Variants in FBXW7 observed in about 807,000 individuals in gnomAD.
The protein encoded by FBXW7 is F-box and WD repeat domain containing 7.
A neutral mutation model predicts 86.3 loss-of-function variants in FBXW7; 11 were observed. That is an observed-to-expected ratio of 0.13 (90% CI 0.08 to 0.21). FBXW7 has a LOEUF of 0.21. Ranked by LOEUF, FBXW7 falls within the 10% of genes least tolerant of loss-of-function variation. The pLI, the probability that FBXW7 is intolerant of heterozygous loss-of-function variation, is 1.00. For synonymous variants in FBXW7, 313 were observed against 297.9 expected (o/e 1.05, Z -0.52); for missense variants, 488 against 847.4 (o/e 0.58, Z 5.27).
chr4:152,379,367 G>A (rs994978243), intron 4 of FBXW7, among the ~76,000 whole-genome samples: 1 of 151,874 alleles, frequency 6.6e-6, no homozygotes, highest in Non-Finnish European at 1.5e-5. Context: ...GTTAAAAATT[G>A]TATTCCCAAA....
intron 4 of FBXW7, among the ~76,000 whole-genome samples, chr4:152,405,444 G>C (rs886386589): frequency 2.0e-5 from 3 of 152,048 alleles, no homozygotes; most frequent in Admixed American, 1.3e-4. Flanking sequence ...GATGAAACCA[G>C]GTAAAAACTA....
chr4:152,347,869 T>C (rs144645542), intron 5 of FBXW7, among the ~76,000 whole-genome samples: 279 of 152,188 alleles, frequency 1.8e-3, no homozygotes, highest in African/African-American at 6.6e-3. Flanking sequence ...GCAGAAAGAA[T>C]ATATAACTAT....
At chr4:152,416,445 T>C (rs917748392) in intron 2 of FBXW7, among the ~76,000 whole-genome samples, 1 of 152,204 alleles carries the variant, frequency 6.6e-6, no homozygotes, top group Non-Finnish European at 1.5e-5. Context: ...TTCTTGTTAT[T>C]TTCAGCACAG....
intron 6 of FBXW7, among the ~76,000 whole-genome samples, chr4:152,344,754 C>T (rs1354367752): frequency 6.6e-6 from 1 of 151,828 alleles, no homozygotes; most frequent in Non-Finnish European, 1.5e-5. Context: ...CTACAGAGTC[C>T]CTTTAAAATT....
intron 2 of FBXW7, among the ~76,000 whole-genome samples, chr4:152,422,723 G>A (rs566164991): frequency 6.6e-6 from 1 of 152,088 alleles, no homozygotes; most frequent in Non-Finnish European, 1.5e-5. Flanking sequence ...AGCGAGCCCA[G>A]AAGCTCCTCC....
intron 2 of FBXW7, among the ~76,000 whole-genome samples, chr4:152,483,949 T>C (rs1338538516): frequency 1.3e-5 from 2 of 152,166 alleles, no homozygotes; most frequent in Middle Eastern, 3.2e-3. Flanking sequence ...CTACAACATA[T>C]ATTTGACAAT....
chr4:152,482,588 T>C (rs971300148), intron 2 of FBXW7, among the ~76,000 whole-genome samples: 5 of 152,164 alleles, frequency 3.3e-5, no homozygotes, highest in Non-Finnish European at 7.3e-5. Context: ...CTAAGACATC[T>C]TGAATTCTTT....
At chr4:152,492,621 A>G (rs1228712138) in intron 2 of FBXW7, among the ~76,000 whole-genome samples, 2 of 152,130 alleles carry the variant, frequency 1.3e-5, no homozygotes, top group Non-Finnish European at 2.9e-5. Flanking sequence ...CTAATAACTA[A>G]TGTTTTTATC....
At chr4:152,511,692 A>C (rs1747992929) in intron 2 of FBXW7, among the ~76,000 whole-genome samples, 1 of 152,198 alleles carries the variant, frequency 6.6e-6, no homozygotes, top group Non-Finnish European at 1.5e-5. Flanking sequence ...CAATACTATT[A>C]TGAAAAAAAT....
chr4:152,393,886 G>A (rs1160693961), intron 4 of FBXW7, among the ~76,000 whole-genome samples: 2 of 152,036 alleles, frequency 1.3e-5, no homozygotes, highest in Admixed American at 6.6e-5. Flanking sequence ...CCTTTTCTGG[G>A]GAGGGGGAAA....
chr4:152,327,390 T>C (rs1178276023), intron 11 of FBXW7, among the ~76,000 whole-genome samples: 1 of 152,082 alleles, frequency 6.6e-6, no homozygotes, highest in Non-Finnish European at 1.5e-5. Flanking sequence ...AAGACTGCCA[T>C]GGATTCACTG....
chr4:152,333,431 AT>A (rs1391367184), intron 7 of FBXW7, among the ~76,000 whole-genome samples: 5 of 151,730 alleles, frequency 3.3e-5, no homozygotes, highest in South Asian at 4.2e-4. Context: ...TAAACTATTG[AT>A]TTTTTTTCAG....
At chr4:152,428,466 A>C (rs777453726) in intron 2 of FBXW7, among the ~76,000 whole-genome samples, 1 of 152,174 alleles carries the variant, frequency 6.6e-6, no homozygotes, top group Non-Finnish European at 1.5e-5. Flanking sequence ...TTTATCTTTG[A>C]CCACAATACT....
At chr4:152,489,849 A>C (rs1483540508) in intron 2 of FBXW7, among the ~76,000 whole-genome samples, 1 of 152,042 alleles carries the variant, frequency 6.6e-6, no homozygotes, top group African/African-American at 2.4e-5. Flanking sequence ...CCATGTTCTT[A>C]CATGACCCTG....
At chr4:152,369,764 C>T (rs147798479) in intron 4 of FBXW7, among the ~76,000 whole-genome samples, 5 of 151,944 alleles carry the variant, frequency 3.3e-5, no homozygotes, top group South Asian at 2.1e-4. Flanking sequence ...TGGTATTTTC[C>T]GGTTTTTATG....
chr4:152,520,705 G>T (rs1018575386), intron 2 of FBXW7, among the ~76,000 whole-genome samples: 3 of 152,124 alleles, frequency 2.0e-5, no homozygotes. Context: ...ACACCAGAAC[G>T]GACCTATGTT....
At chr4:152,443,931 T>A (rs930948116) in intron 2 of FBXW7, among the ~76,000 whole-genome samples, 11 of 152,206 alleles carry the variant, frequency 7.2e-5, no homozygotes, top group African/African-American at 2.4e-4. Flanking sequence ...CATGTAAAGA[T>A]GAAATATTTC....
intron 7 of FBXW7, among the ~76,000 whole-genome samples, chr4:152,334,009 A>G (rs181012806): frequency 6.6e-6 from 1 of 152,232 alleles, no homozygotes; most frequent in East Asian, 1.9e-4. Flanking sequence ...AGCCAAGATC[A>G]CGTCGTTGCA....
At chr4:152,433,354 A>AT (rs1740081801) in intron 2 of FBXW7, among the ~76,000 whole-genome samples, 1 of 152,082 alleles carries the variant, frequency 6.6e-6, no homozygotes, top group African/African-American at 2.4e-5. Context: ...GCTGCTTCCT[A>AT]TTTTCACCAA....
Sources: allele counts gnomAD v4.1 joint callset (sites outside exome capture counted in the v4.1 genomes callset), GRCh38; gene constraint gnomAD v4.1.1; transcripts MANE v1.5; gene names NCBI Gene and HGNC (gene_info 2026-07-23, HGNC 2026-07-21).